The following ELMO2 variants were observed in gnomAD, a reference collection of about 807,000 sequenced individuals.
The protein encoded by ELMO2 is engulfment and cell motility protein 2.
ELMO2 carries 37 observed loss-of-function variants against 96.2 expected under a neutral mutation model. The ratio of observed to expected loss-of-function variants is 0.38; its 90% confidence interval spans 0.30 to 0.51. The LOEUF (loss-of-function observed/expected upper bound fraction) is 0.51, where lower values mean the gene tolerates loss of function less well. ELMO2 is among the 20% of genes least tolerant of loss of function. ELMO2 has a pLI of 0.88. For missense variants in ELMO2, 561 were observed against 912.6 expected (o/e 0.61, Z 4.96); for synonymous variants, 315 against 329.4 (o/e 0.96, Z 0.47).
In ELMO2 at chr20:46,371,494, G is replaced by A. The variant is rs949109192; in HGVS notation, c.1694-35C>T. 10 of 1,613,102 alleles carry A rather than the reference G, an allele frequency of 6.2e-6. No homozygotes were observed. Among genetic ancestry groups the A allele is most frequent in the Admixed American group, 5.0e-5 (3 of 59,982 alleles). ...AAGGGAAGCCAAACAGGTGAGCAACGACAGTACTGGGAAAGGCCTGGGCAC... is the reference window on the plus strand; with the variant it reads ...AAGGGAAGCCAAACAGGTGAGCAACAACAGTACTGGGAAAGGCCTGGGCAC... On this transcript the variant is annotated intron_variant, in intron 18 of 21. Transcript: ENST00000290246. The surrounding 1 kb of genome is among the most constrained non-coding windows in gnomAD (Gnocchi z 5.9).
intron 9 of ELMO2, 30 bp from the exon 10 acceptor site, chr20:46,383,524 A>T: frequency 1.3e-6 from 2 of 1,584,882 alleles, no homozygotes; most frequent in African/African-American, 2.7e-5. Flanking sequence ...AGAGAGAGGG[A>T]GATTAGAAGA....
In ELMO2 at chr20:46,389,182, T is replaced by C. The variant is rs1269768621; in HGVS notation, c.282A>G (p.Ser94=). ...CATCCAGCCGGGTCTCCATGTTGGA[T>C]GACTGGGTCCTCTCCATCAGCTGGC... The part of the protein sequence containing the change: ...AARQLMERTQ[S]SNMETRLDAM... Residue 94 remains serine, a synonymous_variant, in exon 7 of 22, where the codon TCA becomes TCG. Coordinates refer to ENST00000290246, the MANE Select transcript of ELMO2 (RefSeq NM_133171.5). 1.2e-6 allele frequency: 2 copies of C among 1,614,190 alleles called. No individual in the cohort carries two copies. Among genetic ancestry groups the C allele is most frequent in the East Asian group, 2.2e-5 (1 of 44,866 alleles).
intron 15 of ELMO2, 112 bp downstream of exon 15, chr20:46,374,220 G>A: frequency 1.3e-6 from 1 of 747,630 alleles, no homozygotes; most frequent in South Asian, 1.6e-5. Flanking sequence ...GAGATTACAG[G>A]TGTGAACCAC....
At position 46,371,789 on chromosome 20, in the gene ELMO2, CCT is replaced by C. The variant is rs767962684; in HGVS notation, c.1580+15_1580+16del. On this transcript the variant is annotated intron_variant, in intron 17 of 21. Transcript: ENST00000290246. The surrounding 1 kb of genome is among the most constrained non-coding windows in gnomAD (Gnocchi z 5.9). The stretch of plus-strand genomic sequence containing the variant: ...GCAGCCACCTCCCCCGCCAGCCTCC[CCT>C]GAGATGGAACTTACACAATTGGCGG... The C allele has an allele frequency of 7.4e-6, 12 of 1,614,056 alleles. No individual in the cohort carries two copies. Among genetic ancestry groups the C allele is most frequent in the East Asian group, 4.5e-5 (2 of 44,882 alleles).
Position 46,375,803 on chromosome 20 carries a change from C to G in ELMO2, c.808-13G>C. ...CTCGGATCACATGCTAGAAAAAGCA[C>G]AGGCAGGGAGCAGGGGACTGAACTG... On this transcript the variant is annotated splice_polypyrimidine_tract_variant and intron_variant, in intron 11 of 21. Transcript: ENST00000290246. The surrounding 1 kb of genome is among the most constrained non-coding windows in gnomAD (Gnocchi z 4.6). The G allele has an allele frequency of 2.5e-6, 4 of 1,614,076 alleles. No homozygotes were observed. Among genetic ancestry groups the G allele is most frequent in the East Asian group, 2.2e-5 (1 of 44,884 alleles).
At chr20:46,380,739 G>A (rs2059941259) in intron 10 of ELMO2, among the ~76,000 whole-genome samples, 1 of 152,192 alleles carries the variant, frequency 6.6e-6, no homozygotes, top group Non-Finnish European at 1.5e-5. Flanking sequence ...AAGGGCTTTG[G>A]TCCAGCAACC....
At chr20:46,389,412 G>T (rs796894607) in intron 6 of ELMO2, among the ~76,000 whole-genome samples, 192 bp from the exon 7 acceptor site, 4 of 152,148 alleles carry the variant, frequency 2.6e-5, no homozygotes, top group Non-Finnish European at 5.9e-5. Context: ...AAACCAATCT[G>T]TAGTTATCTG....
intron 1 of ELMO2, among the ~76,000 whole-genome samples, chr20:46,401,255 G>A (rs754253915): frequency 1.9e-4 from 29 of 152,112 alleles, no homozygotes; most frequent in Non-Finnish European, 3.8e-4. Context: ...ACTGAATGAC[G>A]ATCAGACTCT....
In ELMO2 at chr20:46,380,311, G is replaced by C. The variant is rs542296421; in HGVS notation, c.757-8C>G. The C allele has an allele frequency of 1.7e-5, 27 of 1,612,256 alleles. No individual in the cohort carries two copies. The Admixed American group carries it at 3.8e-4, about 23-fold the overall frequency. On this transcript the variant is annotated splice_polypyrimidine_tract_variant and splice_region_variant and intron_variant, in intron 10 of 21. Transcript: ENST00000290246. ...AAATGCATTTGCCATATCCTGTGGA[G>C]GAAAATAAGCAAATATAAGGCAGGG...
chr20:46,383,419 T>A lies in ELMO2; in HGVS notation c.753A>T (p.Arg251=), dbSNP rs2059990957. The change falls in exon 10 of 22, where the codon CGA becomes CGT. Residue 251 remains arginine, a synonymous_variant. Transcript: ENST00000290246. ...ATGTGAAAAGGCAGCCACAGACCTG[T>A]CGTTTGTCCTCAGGAGCCTTCAGAA... is the stretch of plus-strand genomic sequence containing the variant. ...ALFLKAPEDK[R]QDMANAFAQK... 1.2e-6 allele frequency: 2 copies of A among 1,614,056 alleles called. No homozygotes were observed. The highest frequency in any genetic ancestry group is 1.7e-6 in the Non-Finnish European group (2 of 1,179,896).
intron 1 of ELMO2, among the ~76,000 whole-genome samples, chr20:46,399,509 C>A (rs980028525): frequency 6.6e-6 from 1 of 152,218 alleles, no homozygotes; most frequent in Admixed American, 6.5e-5. Flanking sequence ...GCTTTCTCTA[C>A]TTTCCCTGGC....
intron 10 of ELMO2, 71 bp downstream of exon 10, chr20:46,383,345 G>T: frequency 6.9e-7 from 1 of 1,439,494 alleles, no homozygotes; most frequent in Non-Finnish European, 9.8e-7. Flanking sequence ...TCTCTGCATA[G>T]CAAAGAGTGC....
intron 8 of ELMO2, among the ~76,000 whole-genome samples, chr20:46,386,776 G>A (rs1415379735): frequency 1.3e-5 from 2 of 152,138 alleles, no homozygotes; most frequent in African/African-American, 2.4e-5. Context: ...AATGTCCTAA[G>A]CCAATGATAG....
In ELMO2 at chr20:46,376,626, C is replaced by T; in HGVS notation, c.808-836G>A. On this transcript the variant is annotated intron_variant, in intron 11 of 21. Transcript: ENST00000290246. ...CCCTTGATTACATTCCTGTCTCTCA[C>T]CATCCTGTCCTCACTCCCACAATAT... The T allele has an allele frequency of 6.2e-6, 8 of 1,289,364 alleles. No homozygotes were observed. The South Asian group carries it at 7.4e-5, about 12-fold the overall frequency. 79.9% of individuals were successfully genotyped at this position (1,289,364 alleles called of 1,614,324 possible).
chr20:46,373,044 C>A (rs568965547), intron 16 of ELMO2: 2 of 212,870 alleles, frequency 9.4e-6, no homozygotes, highest in East Asian at 2.4e-4. Context: ...ACTCTTCTCT[C>A]CTAACCTTCC....
intron 11 of ELMO2, among the ~76,000 whole-genome samples, chr20:46,377,531 G>A (rs2059884196): frequency 6.6e-6 from 1 of 152,180 alleles, no homozygotes; most frequent in Non-Finnish European, 1.5e-5. Context: ...GCCACATACG[G>A]ATATTTAAAT....
chr20:46,374,308 G>T (rs1369033825), intron 15 of ELMO2, 24 bp downstream of exon 15: 1 of 1,574,614 alleles, frequency 6.4e-7, no homozygotes, highest in East Asian at 2.3e-5. Context: ...AATGGCTGAA[G>T]AAGAGGGAGC....
At chr20:46,386,551 G>A (rs575777258) in intron 8 of ELMO2, among the ~76,000 whole-genome samples, 212 of 152,314 alleles carry the variant, frequency 1.4e-3, no homozygotes, top group African/African-American at 4.5e-3. Context: ...TCCAGTTTGA[G>A]AAAGTGGGGT....
chr20:46,399,030 T>C (rs1415206482), intron 1 of ELMO2, among the ~76,000 whole-genome samples: 2 of 152,122 alleles, frequency 1.3e-5, no homozygotes, highest in East Asian at 3.8e-4. Context: ...ATCCCCACCT[T>C]AGAGATAAGA....
Sources: allele counts gnomAD v4.1 joint callset (sites outside exome capture counted in the v4.1 genomes callset), GRCh38; gene constraint gnomAD v4.1.1; non-coding constraint Gnocchi (gnomAD v3.1); transcripts MANE v1.5; gene names NCBI Gene and HGNC (gene_info 2026-07-23, HGNC 2026-07-21).